ANLN: variants seen among roughly 807,000 people sequenced by gnomAD.
ANLN encodes the protein anillin, actin binding protein, also known as anillin.
A neutral mutation model predicts 135.1 loss-of-function variants in ANLN; 59 were observed. The ratio of observed to expected loss-of-function variants is 0.44; its 90% CI spans 0.35 to 0.54. The LOEUF (loss-of-function observed/expected upper bound fraction) is 0.54, where lower values mean the gene tolerates loss of function less well. ANLN is among the 20% of genes least tolerant of loss of function. The pLI is 0.00. For missense variants in ANLN, 1,182 were observed against 1,340.0 expected (o/e 0.88, Z 1.84); for synonymous variants, 406 against 456.4 (o/e 0.89, Z 1.41).
intron 8 of ANLN, 24 bp from the exon 9 acceptor site, chr7:36,417,056 A>G (rs756896776): frequency 7.8e-7 from 1 of 1,279,968 alleles, no homozygotes; most frequent in Admixed American, 2.1e-5. Flanking sequence ...ATATATTAAT[A>G]TGGTCTTTCT....
intron 1 of ANLN, among the ~76,000 whole-genome samples, chr7:36,392,023 T>C (rs1178314721): frequency 6.6e-6 from 1 of 151,886 alleles, no homozygotes; most frequent in East Asian, 1.9e-4. Context: ...ACGTCAAGAG[T>C]TTGAAGCTCT....
chr7:36,453,431 TTTGC>T lies in ANLN; in HGVS notation c.*836_*839del, dbSNP rs1335385719. The T allele has an allele frequency of 6.6e-6, 1 of 152,244 alleles. No individual in the cohort carries two copies. The highest frequency in any genetic ancestry group is 2.4e-5 in the African/African-American group (1 of 41,456). The allele number at this position is 152,244 out of a possible 1,614,324, so 9.4% of individuals were successfully genotyped here. ...TGAAGCTGCTATGTACTAATAATACTTTGCTTGCCAAAGTGTTTGGGTTTTGTTG... is the reference window on the plus strand; with the variant it reads ...TGAAGCTGCTATGTACTAATAATACTTTGCCAAAGTGTTTGGGTTTTGTTG... On this transcript the variant is annotated 3_prime_UTR_variant, in exon 24 of 24. Coordinates refer to ENST00000265748, the MANE Select transcript of ANLN (RefSeq NM_018685.5).
chr7:36,452,304 G>C (rs1286508187), intron 23 of ANLN, among the ~76,000 whole-genome samples, 173 bp from the exon 24 acceptor site: 2 of 152,196 alleles, frequency 1.3e-5, no homozygotes, highest in African/African-American at 4.8e-5. Flanking sequence ...ATTTTCCTCT[G>C]TTTTATTTGG....
At chr7:36,413,340 A>G (rs942561258) in intron 7 of ANLN, among the ~76,000 whole-genome samples, 1 of 152,000 alleles carries the variant, frequency 6.6e-6, no homozygotes, top group African/African-American at 2.4e-5. Flanking sequence ...TCCTTCCACG[A>G]CTCAGTATCC....
chr7:36,443,901 T>C (rs375122103), intron 22 of ANLN, 39 bp downstream of exon 22: 79 of 1,414,904 alleles, frequency 5.6e-5, no homozygotes, highest in Non-Finnish European at 6.9e-5. Context: ...AAAGCCCTGA[T>C]TGACTTTCGT....
chr7:36,402,893 A>G (rs1787016165), intron 3 of ANLN, among the ~76,000 whole-genome samples: 1 of 152,138 alleles, frequency 6.6e-6, no homozygotes, highest in Admixed American at 6.5e-5. Context: ...TCCCTAGAAT[A>G]AACACTGTCC....
intron 2 of ANLN, among the ~76,000 whole-genome samples, chr7:36,396,965 C>T (rs1786729885): frequency 6.6e-6 from 1 of 152,092 alleles, no homozygotes; most frequent in African/African-American, 2.4e-5. Context: ...AAAAACTCAC[C>T]TGTAGTCTTA....
In ANLN at chr7:36,419,440, T is replaced by C; in HGVS notation, c.1830T>C (p.Leu610=). Residue 610 remains leucine, a synonymous_variant, in exon 10 of 24, where the codon CTT becomes CTC. Transcript: ENST00000265748. ...DALNISSMSL[L]APLAQTVGVV... is the part of the protein sequence containing the mutation. ...TGAATATCTCCTCAATGTCTTTACT[T>C]GCACCATTGGCACAAACAGTTGGTG... The C allele has an allele frequency of 6.2e-7, 1 of 1,614,010 alleles. No individual in the cohort carries two copies. The highest frequency in any genetic ancestry group is 8.5e-7 in the Non-Finnish European group (1 of 1,180,006).
intron 17 of ANLN, among the ~76,000 whole-genome samples, chr7:36,425,293 CT>C (rs1221400271): frequency 0.094 from 11,630 of 123,424 alleles, 423 homozygotes; most frequent in African/African-American, 0.22. Context: ...AGAACTCATT[CT>C]TTTTTTTTTT....
At chr7:36,449,493 C>G (rs953390129) in intron 22 of ANLN, 172 bp from the exon 23 acceptor site, 16 of 525,450 alleles carry the variant, frequency 3.0e-5, no homozygotes, top group African/African-American at 2.0e-4. Context: ...TTATGTCTAG[C>G]TAGGAACAAT....
At position 36,417,161 on chromosome 7, in the gene ANLN, C is replaced by T. The variant is rs757094747; in HGVS notation, c.1604C>T (p.Thr535Ile). ...GAAGAGGACAAATCCTTAAAAGTAA[C>T]ATCAGACCCAAAGGTTGAGCAGAAA... Reference protein sequence around the residue: ...FLEEDKSLKVTSDPKVEQKIE... With the variant: ...FLEEDKSLKVISDPKVEQKIE... Residue 535 changes from threonine (T) to isoleucine (I), a missense_variant, in exon 9 of 24, where the codon ACA (threonine) becomes ATA (isoleucine). Coordinates refer to ENST00000265748, the MANE Select transcript of ANLN (RefSeq NM_018685.5). 5.6e-6 allele frequency: 9 copies of T among 1,606,430 alleles called. No homozygotes were observed. In the Middle Eastern group the frequency reaches 6.6e-4, roughly 118 times the overall value.
At chr7:36,403,248 A>G (rs1169504537) in intron 3 of ANLN, among the ~76,000 whole-genome samples, 1 of 152,118 alleles carries the variant, frequency 6.6e-6, no homozygotes, top group East Asian at 1.9e-4. Flanking sequence ...GTGGAGGGAG[A>G]AGGGAGGAAG....
At chr7:36,439,429 A>C (rs1788674675) in intron 21 of ANLN, 139 bp downstream of exon 21, 1 of 584,364 alleles carries the variant, frequency 1.7e-6, no homozygotes, top group Non-Finnish European at 3.0e-6. Flanking sequence ...TTTATATGCC[A>C]ATCACTGTGC....
chr7:36,422,125 C>G, intron 13 of ANLN, 133 bp downstream of exon 13: 1 of 1,118,682 alleles, frequency 8.9e-7, no homozygotes, highest in African/African-American at 1.6e-5. Context: ...ATTTTTTGTT[C>G]TTGTTTTTAT....
In ANLN at chr7:36,439,355, C is replaced by T. The variant is rs947943347; in HGVS notation, c.2970+65C>T. On this transcript the variant is annotated intron_variant, in intron 21 of 23. Coordinates refer to ENST00000265748, the MANE Select transcript of ANLN (RefSeq NM_018685.5). ...TTTTGTGAAATACAGACTTGTTTCC[C>T]ATAGGAATGAAATCCTTTGTGATTA... is the stretch of plus-strand genomic sequence containing the variant. 3.6e-5 allele frequency: 34 copies of T among 931,786 alleles called. No homozygotes were observed. In the African/African-American group the frequency reaches 4.4e-4, roughly 12 times the overall value. 57.7% of individuals were successfully genotyped at this position (931,786 alleles called of 1,614,324 possible). A position where few individuals can be genotyped will look rare whatever the true frequency, so the allele number is the denominator to read the frequency against.
chr7:36,427,636 G>A (rs1788141829), intron 20 of ANLN, among the ~76,000 whole-genome samples: 1 of 152,180 alleles, frequency 6.6e-6, no homozygotes, highest in Admixed American at 6.5e-5. Flanking sequence ...TTATAGGTGT[G>A]AGCCACCTTG....
At chr7:36,428,747 G>A (rs1407862215) in intron 20 of ANLN, among the ~76,000 whole-genome samples, 1 of 145,252 alleles carries the variant, frequency 6.9e-6, no homozygotes, top group Non-Finnish European at 1.5e-5. Context: ...TACTGGAAGA[G>A]CTATTGGTGA....
At position 36,447,472 on chromosome 7, in the gene ANLN, T is replaced by G. The variant is rs529803986; in HGVS notation, c.3079-2193T>G. 4.3e-3 allele frequency among the ~76,000 whole-genome samples: 616 copies of G among 144,220 alleles called. 5 individuals are homozygous for G. Among genetic ancestry groups the G allele is most frequent in the African/African-American group, 0.015 (598 of 39,492 alleles). The allele number at this position is 144,220 out of a possible 152,430, so 94.6% of individuals were successfully genotyped here. A position where few individuals can be genotyped will look rare whatever the true frequency, so the allele number is the denominator to read the frequency against. On this transcript the variant is annotated intron_variant, in intron 22 of 23. Coordinates refer to ENST00000265748, the MANE Select transcript of ANLN (RefSeq NM_018685.5). ...CGGAGTCTCGCTCTGTCGCCCAGGCTGGAGTGCAGTCGCGGGATCTCGGCT... is the reference window on the plus strand; with the variant it reads ...CGGAGTCTCGCTCTGTCGCCCAGGCGGGAGTGCAGTCGCGGGATCTCGGCT...
intron 1 of ANLN, among the ~76,000 whole-genome samples, chr7:36,392,670 A>G (rs1786528391): frequency 6.6e-6 from 1 of 152,050 alleles, no homozygotes; most frequent in Admixed American, 6.5e-5. Flanking sequence ...TTTAAGATAT[A>G]TAATTTCTTT....
Sources: gnomAD v4.1 joint callset for allele counts (sites outside exome capture counted in the v4.1 genomes callset) on GRCh38, gnomAD v4.1.1 for gene constraint, MANE v1.5 for transcripts, NCBI Gene and HGNC (gene_info 2026-07-23, HGNC 2026-07-21) for gene names.